The following RPP30 variants were observed in gnomAD, a reference collection of about 807,000 sequenced individuals.
The protein encoded by RPP30 is ribonuclease P/MRP subunit p30, also known as ribonuclease P protein subunit p30.
In RPP30, 36 loss-of-function variants were observed where a neutral mutation model predicts 38.6. The ratio of observed to expected loss-of-function variants is 0.93; its 90% CI spans 0.71 to 1.23. The LOEUF (loss-of-function observed/expected upper bound fraction) is 1.23, where lower values mean the gene tolerates loss of function less well. RPP30 is among the 50% of genes most tolerant of loss of function. RPP30 has a pLI of 0.00. For missense variants in RPP30, 321 were observed against 321.7 expected, an observed-to-expected ratio of 1.00 and a Z score of 0.02; for synonymous variants, 126 against 112.7, an observed-to-expected ratio of 1.12 and a Z score of -0.75.
chr10:90,904,397 C>A (rs117880789), downstream of RPP30, among the ~76,000 whole-genome samples: 47 of 152,312 alleles, frequency 3.1e-4, no homozygotes, highest in East Asian at 9.1e-3. Flanking sequence ...TGACCTTGGG[C>A]AAATTATGTA....
chr10:90,901,824 T>A lies in RPP30; in HGVS notation c.*1145T>A, dbSNP rs1159348037. On this transcript the variant is annotated 3_prime_UTR_variant, in exon 11 of 11. Coordinates refer to ENST00000371703, the MANE Select transcript of RPP30 (RefSeq NM_006413.5). ...TCTGCGGGTTGGAGAAAATACAATT[T>A]TTTTTTTTTTTTTTGAGACAGTCTC... 1 of 918,192 alleles carries A rather than the reference T, an allele frequency of 1.1e-6. No homozygotes were observed. Among genetic ancestry groups the A allele is most frequent in the East Asian group, 1.2e-4 (1 of 8,552 alleles). The allele number at this position is 918,192 out of a possible 1,614,324, so 56.9% of individuals were successfully genotyped here.
intron 10 of RPP30, among the ~76,000 whole-genome samples, chr10:90,899,213 G>A (rs906197276): frequency 6.6e-6 from 1 of 152,124 alleles, no homozygotes; most frequent in African/African-American, 2.4e-5. Context: ...TTTTCATTTG[G>A]TGAAATGGAA....
At chr10:90,886,225 A>G (rs932779684) in intron 6 of RPP30, among the ~76,000 whole-genome samples, 2 of 152,198 alleles carry the variant, frequency 1.3e-5, no homozygotes, top group African/African-American at 4.8e-5. Flanking sequence ...GCAGTCAAAA[A>G]AGAAGAGGAA....
intron 4 of RPP30, among the ~76,000 whole-genome samples, chr10:90,876,483 G>T (rs1846853917): frequency 6.6e-6 from 1 of 152,192 alleles, no homozygotes; most frequent in Non-Finnish European, 1.5e-5. Flanking sequence ...ATGTTCCAAG[G>T]TAGGGAAGTG....
chr10:90,903,331 G>A (rs1357248179), downstream of RPP30: 3 of 1,211,544 alleles, frequency 2.5e-6, no homozygotes, highest in African/African-American at 3.0e-5. Flanking sequence ...TTAACAGGAT[G>A]TATGTTCAAT....
Position 90,894,804 on chromosome 10 carries a change from T to C in RPP30, c.462T>C (p.Leu154=), listed in dbSNP as rs138025813. Residue 154 remains leucine, a synonymous_variant, in exon 7 of 11, where the codon CTT becomes CTC. Transcript: ENST00000371703. ...TTGACCGAGGCCTGGCTTTTGAACT[T>C]GTCTATAGCCCTGCTATCAAAGACT... ...VAIDRGLAFE[L]VYSPAIKDST... 1,034 of 1,613,192 alleles carry C rather than the reference T, an allele frequency of 6.4e-4. 9 individuals are homozygous for C. In the East Asian group the frequency reaches 0.022, roughly 34 times the overall value.
At chr10:90,898,950 T>C (rs185485008) in intron 10 of RPP30, among the ~76,000 whole-genome samples, 17 of 152,358 alleles carry the variant, frequency 1.1e-4, no homozygotes, top group African/African-American at 3.8e-4. Context: ...TATTCACTCG[T>C]AGATAATCCT....
intron 6 of RPP30, among the ~76,000 whole-genome samples, chr10:90,890,289 T>A (rs1443880514): frequency 6.6e-6 from 1 of 152,258 alleles, no homozygotes; most frequent in Non-Finnish European, 1.5e-5. Context: ...AGAAGAAGGA[T>A]GTTCTTAAAA....
At chr10:90,873,175 A>C (rs980189187) in intron 1 of RPP30, among the ~76,000 whole-genome samples, 1 of 152,202 alleles carries the variant, frequency 6.6e-6, no homozygotes, top group Non-Finnish European at 1.5e-5. Context: ...GCACCAGTAC[A>C]TGGCAGTTAC....
rs571618871 is a variant in RPP30 at position 90,872,256 on chromosome 10, T to C, written c.82+188T>C. 83 of 603,716 alleles carry C rather than the reference T, an allele frequency of 1.4e-4. 1 individual carries two copies. In the South Asian group the frequency reaches 1.6e-3, roughly 12 times the overall value. The allele number at this position is 603,716 out of a possible 1,614,324, so 37.4% of individuals were successfully genotyped here. ...GCGGGAAACTCGAAGGTTCTGGGGG[T>C]TGTTATCTGGTTCAGCTACTTTCCT... On this transcript the variant is annotated intron_variant, in intron 1 of 10. Coordinates refer to ENST00000371703, the MANE Select transcript of RPP30 (RefSeq NM_006413.5).
At chr10:90,895,805 C>A in intron 8 of RPP30, 75 bp from the exon 9 acceptor site, 2 of 1,076,822 alleles carry the variant, frequency 1.9e-6, no homozygotes, top group Non-Finnish European at 2.7e-6. Flanking sequence ...CTTAAATTTT[C>A]TATTAATTTG....
rs1847120141 is a variant in RPP30 at position 90,894,763 on chromosome 10, T to C, written c.433-12T>C. ...TGCTTATCTCTGACAGTTCTCTTTA[T>C]TTCCTGTGAAGGCGATTGACCGAGG... On this transcript the variant is annotated splice_polypyrimidine_tract_variant and intron_variant, in intron 6 of 10. Coordinates refer to ENST00000371703, the MANE Select transcript of RPP30 (RefSeq NM_006413.5). 3 of 1,592,642 alleles carry C rather than the reference T, an allele frequency of 1.9e-6. No individual in the cohort carries two copies. Among genetic ancestry groups the C allele is most frequent in the Non-Finnish European group, 2.6e-6 (3 of 1,161,086 alleles).
Position 90,901,334 on chromosome 10 carries a change from A to G in RPP30, c.*655A>G, listed in dbSNP as rs1847199740. 1.0e-6 allele frequency: 1 copy of G among 984,426 alleles called. No homozygotes were observed. The highest frequency in any genetic ancestry group is 1.2e-6 in the Non-Finnish European group (1 of 829,106). 61.0% of individuals were successfully genotyped at this position (984,426 alleles called of 1,614,324 possible). A position where few individuals can be genotyped will look rare whatever the true frequency, so the allele number is the denominator to read the frequency against. On this transcript the variant is annotated 3_prime_UTR_variant, in exon 11 of 11. Coordinates refer to ENST00000371703, the MANE Select transcript of RPP30 (RefSeq NM_006413.5). The stretch of plus-strand genomic sequence containing the variant: ...TTTCGAAAGTTTCTTGTTCATACTC[A>G]AATAGTAGTTATTTTGAAGATATTC...
chr10:90,872,430 T>A (rs1231188333), intron 1 of RPP30, among the ~76,000 whole-genome samples: 3 of 146,516 alleles, frequency 2.0e-5, no homozygotes, highest in Non-Finnish European at 4.4e-5. Context: ...CACGACAGTG[T>A]CTAAACAAAT....
chr10:90,878,287 A>T, intron 4 of RPP30, among the ~76,000 whole-genome samples: 1 of 152,180 alleles, frequency 6.6e-6, no homozygotes, highest in Non-Finnish European at 1.5e-5. Flanking sequence ...TGCTTCTCTT[A>T]TACCCTCCTA....
At chr10:90,882,247 C>G (rs796119874) in intron 5 of RPP30, among the ~76,000 whole-genome samples, 11 of 152,156 alleles carry the variant, frequency 7.2e-5, no homozygotes, top group African/African-American at 2.7e-4. Flanking sequence ...GATTGTGCAC[C>G]CTATCAGTTT....
intron 5 of RPP30, among the ~76,000 whole-genome samples, chr10:90,881,074 C>G (rs968239361): frequency 6.6e-6 from 1 of 152,088 alleles, no homozygotes; most frequent in African/African-American, 2.4e-5. Context: ...GCAGATGTAC[C>G]AAGTATTTTG....
intron 5 of RPP30, among the ~76,000 whole-genome samples, chr10:90,884,785 C>T (rs900115534): frequency 2.6e-5 from 4 of 152,188 alleles, no homozygotes; most frequent in South Asian, 2.1e-4. Flanking sequence ...AGGTCATTTT[C>T]TCCACTCTTC....
intron 7 of RPP30, chr10:90,895,118 A>C: frequency 1.7e-6 from 1 of 584,396 alleles, no homozygotes; most frequent in Non-Finnish European, 3.1e-6. Context: ...TCTTTTGATA[A>C]AAATTTGCAA....
Sources: gnomAD v4.1 joint callset for allele counts (sites outside exome capture counted in the v4.1 genomes callset) on GRCh38, gnomAD v4.1.1 for gene constraint, MANE v1.5 for transcripts, NCBI Gene and HGNC (gene_info 2026-07-23, HGNC 2026-07-21) for gene names.